Variants in RAD51B observed in about 807,000 individuals in gnomAD.
RAD51B encodes RAD51 paralog B, also known as DNA repair protein RAD51 homolog 2.
Under a neutral mutation model 42.2 loss-of-function variants are expected in RAD51B, and 38 were observed. That is an observed-to-expected ratio of 0.90 (90% CI 0.70 to 1.18). RAD51B has a LOEUF of 1.18. RAD51B is among the 50% of genes most tolerant of loss of function. The pLI is 0.00. For missense variants in RAD51B, 373 were observed against 400.7 expected (o/e 0.93, Z 0.59); for synonymous variants, 154 against 145.2 (o/e 1.06, Z -0.43).
At chr14:68,186,044 C>G (rs2079151757) in intron 7 of RAD51B, among the ~76,000 whole-genome samples, 1 of 152,106 alleles carries the variant, frequency 6.6e-6, no homozygotes, top group Non-Finnish European at 1.5e-5. Flanking sequence ...AATAGAGAAC[C>G]CTGAAATAAA....
intron 7 of RAD51B, among the ~76,000 whole-genome samples, chr14:68,279,219 G>A (rs2081277668): frequency 6.6e-6 from 1 of 152,228 alleles, no homozygotes; most frequent in African/African-American, 2.4e-5. Flanking sequence ...CCATGAGAAG[G>A]AACACCGTGT....
chr14:68,272,665 ATTTTTTTTTTTTTTTTTTTT>A (rs71412311), intron 7 of RAD51B, among the ~76,000 whole-genome samples: 2 of 12,472 alleles, frequency 1.6e-4, no homozygotes, highest in East Asian at 2.4e-3. Context: ...ATATATATAT[ATTTTTTTTTTTTTTTTTTTT>A]TTTTTTTTTT....
At chr14:68,657,677 G>A (rs1053187531) in intron 11 of RAD51B, among the ~76,000 whole-genome samples, 1 of 152,260 alleles carries the variant, frequency 6.6e-6, no homozygotes, top group African/African-American at 2.4e-5. Context: ...TCCTATGTGT[G>A]TACTGAAGGA....
chr14:68,325,014 A>G (rs2082223151), intron 8 of RAD51B, among the ~76,000 whole-genome samples: 1 of 152,224 alleles, frequency 6.6e-6, no homozygotes, highest in African/African-American at 2.4e-5. Context: ...CTCAACGAGT[A>G]TGTTTTAATA....
intron 7 of RAD51B, among the ~76,000 whole-genome samples, chr14:68,120,238 G>C (rs1212357242): frequency 6.6e-6 from 1 of 151,908 alleles, no homozygotes; most frequent in Non-Finnish European, 1.5e-5. Context: ...CAGATGAGTA[G>C]GTTGTGAAAA....
At chr14:68,091,042 T>C (rs1293336260) in intron 7 of RAD51B, among the ~76,000 whole-genome samples, 1 of 152,076 alleles carries the variant, frequency 6.6e-6, no homozygotes, top group Non-Finnish European at 1.5e-5. Context: ...CATCATTTTT[T>C]ATGGCTGCAT....
intron 8 of RAD51B, among the ~76,000 whole-genome samples, chr14:68,359,889 A>C (rs1035684963): frequency 2.0e-5 from 3 of 152,154 alleles, no homozygotes; most frequent in Non-Finnish European, 4.4e-5. Context: ...AAGGAAAAAA[A>C]ATTTGTCTAC....
Position 68,346,170 on chromosome 14 carries a change from C to T in RAD51B, c.853+54190C>T, listed in dbSNP as rs2082673461. 1.3e-5 allele frequency among the ~76,000 whole-genome samples: 2 copies of T among 152,110 alleles called. 1 individual carries two copies. The highest frequency in any genetic ancestry group is 4.1e-4 in the South Asian group (2 of 4,828). ...ATTTATATCCCATCTTTTTCCAAAA[C>T]AGATTTAAAGTGGTTTCATCTTTGA... is the stretch of plus-strand genomic sequence containing the variant. On this transcript the variant is annotated intron_variant, in intron 8 of 10. Transcript: ENST00000471583.
chr14:68,657,528 G>A (rs1022102664), intron 11 of RAD51B, among the ~76,000 whole-genome samples: 1 of 152,190 alleles, frequency 6.6e-6, no homozygotes, highest in Non-Finnish European at 1.5e-5. Context: ...TGAGCCTGGT[G>A]GGGGGCCAAG....
At chr14:67,864,791 G>A (rs2042270112) in intron 4 of RAD51B, 1 of 771,020 alleles carries the variant, frequency 1.3e-6, no homozygotes, top group Non-Finnish European at 2.1e-6. Context: ...CTCCAAGGAT[G>A]GTACATAACT....
intron 7 of RAD51B, among the ~76,000 whole-genome samples, chr14:67,921,158 C>T (rs1483779237): frequency 2.0e-5 from 3 of 152,174 alleles, no homozygotes; most frequent in Non-Finnish European, 4.4e-5. Flanking sequence ...CTGAATTTCA[C>T]TCCAGACCTG....
intron 4 of RAD51B, among the ~76,000 whole-genome samples, chr14:67,848,785 C>T (rs1033565554): frequency 6.6e-6 from 1 of 152,162 alleles, no homozygotes; most frequent in Admixed American, 6.5e-5. Flanking sequence ...CTAGTTGAAA[C>T]AAATTCCCTC....
chr14:67,878,039 A>G (rs2042784719), intron 5 of RAD51B, among the ~76,000 whole-genome samples: 1 of 152,162 alleles, frequency 6.6e-6, no homozygotes, highest in Non-Finnish European at 1.5e-5. Context: ...TTCCCCCACT[A>G]TTAGTTATCA....
chr14:68,329,171 G>C (rs767299147), intron 8 of RAD51B, among the ~76,000 whole-genome samples: 5 of 152,036 alleles, frequency 3.3e-5, no homozygotes, highest in Non-Finnish European at 7.4e-5. Context: ...ACCACATCCA[G>C]CTAATTTTTT....
intron 8 of RAD51B, among the ~76,000 whole-genome samples, chr14:68,335,320 A>G (rs2082433451): frequency 6.7e-6 from 1 of 150,092 alleles, no homozygotes; most frequent in Non-Finnish European, 1.5e-5. Flanking sequence ...AAAAGAAAAG[A>G]AAAAAGAAAC....
chr14:68,174,549 A>G (rs1296171468), intron 7 of RAD51B, among the ~76,000 whole-genome samples: 1 of 152,188 alleles, frequency 6.6e-6, no homozygotes, highest in East Asian at 1.9e-4. Flanking sequence ...TAAAAAGTAT[A>G]TGACTGTAGG....
At chr14:68,412,333 T>C (rs1425033039) in intron 9 of RAD51B, among the ~76,000 whole-genome samples, 1 of 152,216 alleles carries the variant, frequency 6.6e-6, no homozygotes, top group Non-Finnish European at 1.5e-5. Flanking sequence ...ATTATTTTGA[T>C]TTTTTGGATA....
At position 67,865,013 on chromosome 14, in the gene RAD51B, C is replaced by T. The variant is rs2139990739; in HGVS notation, c.326C>T (p.Pro109Leu). The change falls in exon 5 of 11, where the codon CCA becomes CTA. Residue 109 changes from proline to leucine, a missense_variant. Pro to Leu is a moderately conservative substitution (Grantham distance 98, BLOSUM62 -3). Transcript: ENST00000471583. The part of the protein sequence containing the change: ...ACGSLTEITG[P>L]PGCGKTQFCI... Reference sequence around the variant, plus strand: ...TTTTTTTTTTTTTAGATTACAGGTCCACCAGGTTGTGGAAAAACTCAGTTT... The same window carrying T: ...TTTTTTTTTTTTTAGATTACAGGTCTACCAGGTTGTGGAAAAACTCAGTTT... 5 of 645,558 alleles carry T rather than the reference C, an allele frequency of 7.7e-6. No individual in the cohort carries two copies. Among genetic ancestry groups the T allele is most frequent in the East Asian group, 4.7e-5 (1 of 21,068 alleles). 40.0% of individuals were successfully genotyped at this position (645,558 alleles called of 1,614,324 possible). A position where few individuals can be genotyped will look rare whatever the true frequency, so the allele number is the denominator to read the frequency against.
intron 8 of RAD51B, among the ~76,000 whole-genome samples, chr14:68,363,566 G>A (rs2083075772): frequency 6.6e-6 from 1 of 152,154 alleles, no homozygotes. Flanking sequence ...ATTGGAGTGT[G>A]CAGGGCTCTC....
Sources: allele counts gnomAD v4.1 joint callset (sites outside exome capture counted in the v4.1 genomes callset), GRCh38; gene constraint gnomAD v4.1.1; transcripts MANE v1.5; gene names NCBI Gene and HGNC (gene_info 2026-07-23, HGNC 2026-07-21).